PIK3AP1: variants seen among roughly 807,000 people sequenced by gnomAD.
The protein encoded by PIK3AP1 is phosphoinositide-3-kinase adaptor protein 1.
In PIK3AP1, 21 loss-of-function variants were observed where a neutral mutation model predicts 88.1. That is an observed-to-expected ratio of 0.24 (90% CI 0.17 to 0.34). The LOEUF is 0.34. PIK3AP1 is among the 10% of genes least tolerant of loss of function. The pLI is 1.00. For synonymous variants in PIK3AP1, 398 were observed against 400.0 expected, an observed-to-expected ratio of 1.00 and a Z score of 0.06; for missense variants, 828 against 1,035.7, an observed-to-expected ratio of 0.80 and a Z score of 2.75.
chr10:96,631,735 T>C (rs751165525), intron 8 of PIK3AP1, among the ~76,000 whole-genome samples: 3 of 151,952 alleles, frequency 2.0e-5, no homozygotes, highest in Non-Finnish European at 4.4e-5. Context: ...ATACAAAAAT[T>C]AGCTGGGCAT....
chr10:96,641,200 T>A (rs1843384669), intron 8 of PIK3AP1, among the ~76,000 whole-genome samples: 1 of 151,380 alleles, frequency 6.6e-6, no homozygotes, highest in African/African-American at 2.4e-5. Context: ...AATCTCAGGG[T>A]CAGAACCCAA....
chr10:96,695,401 T>C (rs1844206852), intron 2 of PIK3AP1, among the ~76,000 whole-genome samples: 1 of 152,204 alleles, frequency 6.6e-6, no homozygotes, highest in Admixed American at 6.5e-5. Flanking sequence ...GCCTCAAACA[T>C]TAGCTGTACA....
At chr10:96,669,768 AC>A (rs1843816528) in intron 2 of PIK3AP1, among the ~76,000 whole-genome samples, 1 of 150,542 alleles carries the variant, frequency 6.6e-6, no homozygotes, top group African/African-American at 2.5e-5. Context: ...TCAAAAAAAC[AC>A]AAAAAACAAA....
intron 2 of PIK3AP1, among the ~76,000 whole-genome samples, chr10:96,680,637 T>A (rs1033607382): frequency 2.6e-5 from 4 of 152,192 alleles, no homozygotes; most frequent in Non-Finnish European, 5.9e-5. Flanking sequence ...AAGGACATGA[T>A]CTCATTCTTT....
rs147837881 is a variant in PIK3AP1 at position 96,659,419 on chromosome 10, G to A, written c.431-2485C>T. ...AACCTCTTTGGGATGGACCCACAGT[G>A]CAGTCTACCATTGTTTCAACAAAGA... is the stretch of plus-strand genomic sequence containing the variant. On this transcript the variant is annotated intron_variant, in intron 2 of 16. Coordinates refer to ENST00000339364, the MANE Select transcript of PIK3AP1 (RefSeq NM_152309.3). 4.7e-3 allele frequency among the ~76,000 whole-genome samples: 719 copies of A among 152,216 alleles called. 6 individuals are homozygous for A. Among genetic ancestry groups the A allele is most frequent in the African/African-American group, 0.017 (697 of 41,498 alleles).
At chr10:96,609,203 ACT>A (rs1314515238) in intron 14 of PIK3AP1, among the ~76,000 whole-genome samples, 1 of 151,774 alleles carries the variant, frequency 6.6e-6, no homozygotes, top group Non-Finnish European at 1.5e-5. Flanking sequence ...GATATTTCTG[ACT>A]CTGTGCCCTT....
intron 14 of PIK3AP1, 35 bp downstream of exon 14, chr10:96,609,676 CA>C: frequency 6.2e-7 from 1 of 1,603,130 alleles, no homozygotes; most frequent in Non-Finnish European, 8.5e-7. Context: ...GGAGCCCAGT[CA>C]AGAAGACCCC....
In PIK3AP1 at chr10:96,656,781, C is replaced by A; in HGVS notation, c.567+17G>T. The A allele has an allele frequency of 1.2e-6, 2 of 1,612,530 alleles. No homozygotes were observed. The highest frequency in any genetic ancestry group is 1.7e-6 in the Non-Finnish European group (2 of 1,179,080). On this transcript the variant is annotated intron_variant, in intron 3 of 16. Transcript: ENST00000339364. ...CAAGTGCTGACATCCAGCTACCAGGCCCCCAGCAGTGCCTACCCCACAGCG... is the reference window on the plus strand; with the variant it reads ...CAAGTGCTGACATCCAGCTACCAGGACCCCAGCAGTGCCTACCCCACAGCG...
chr10:96,680,864 C>T (rs990909702), intron 2 of PIK3AP1, among the ~76,000 whole-genome samples: 2 of 152,120 alleles, frequency 1.3e-5, no homozygotes, highest in Non-Finnish European at 2.9e-5. Flanking sequence ...ATTTATGGAC[C>T]TAAAAGCAGA....
intron 2 of PIK3AP1, among the ~76,000 whole-genome samples, chr10:96,705,870 A>ATGCCCAGC (rs1433757874): frequency 1.6e-5 from 2 of 126,796 alleles, no homozygotes; most frequent in African/African-American, 6.1e-5. Flanking sequence ...ATAAGCCACT[A>ATGCCCAGC]TGCCCAGCCA....
intron 2 of PIK3AP1, among the ~76,000 whole-genome samples, chr10:96,682,647 C>A (rs920107918): frequency 4.6e-5 from 7 of 152,116 alleles, no homozygotes; most frequent in African/African-American, 1.7e-4. Flanking sequence ...ATTCTTTTTT[C>A]TTTTCGCCCC....
Position 96,595,887 on chromosome 10 carries a change from G to A in PIK3AP1, c.2361-253C>T, listed in dbSNP as rs188483179. On this transcript the variant is annotated intron_variant, in intron 16 of 16. Coordinates refer to ENST00000339364, the MANE Select transcript of PIK3AP1 (RefSeq NM_152309.3). The stretch of plus-strand genomic sequence containing the variant: ...CCATCCCAGACCCATCGCATTCTAA[G>A]CTCTAGAGGATAGGACTCAAGCCAC... Among the ~76,000 whole-genome samples, 306 of 152,190 alleles carry A rather than the reference G, an allele frequency of 2.0e-3. 1 individual carries two copies. Among genetic ancestry groups the A allele is most frequent in the African/African-American group, 6.2e-3 (256 of 41,512 alleles).
At chr10:96,713,452 C>T (rs1228892508) in intron 1 of PIK3AP1, among the ~76,000 whole-genome samples, 5 of 145,522 alleles carry the variant, frequency 3.4e-5, no homozygotes, top group East Asian at 2.0e-4. Context: ...TGCAGTGAGC[C>T]GAGATTGCGC....
intron 1 of PIK3AP1, among the ~76,000 whole-genome samples, chr10:96,715,815 G>A (rs550341574): frequency 5.9e-5 from 9 of 151,574 alleles, no homozygotes; most frequent in Non-Finnish European, 1.0e-4. Context: ...GCATGAACCC[G>A]GGAGGCGGAG....
intron 7 of PIK3AP1, 44 bp downstream of exon 7, chr10:96,648,615 C>T: frequency 6.4e-7 from 1 of 1,557,294 alleles, no homozygotes; most frequent in Non-Finnish European, 8.7e-7. Context: ...CATACTACCA[C>T]AGAGTGCATT....
rs775391682 is a variant in PIK3AP1 at position 96,645,567 on chromosome 10, T to A, written c.1281A>T (p.Thr427=). Residue 427 remains threonine, a synonymous_variant, in exon 8 of 17, where the codon ACA becomes ACT. Coordinates refer to ENST00000339364, the MANE Select transcript of PIK3AP1 (RefSeq NM_152309.3). ...TGAGCGAGCATTTCATAAGCAGGTCTGTGGAAAGGTGGGCCATGGACTCGT... is the reference window on the plus strand; with the variant it reads ...TGAGCGAGCATTTCATAAGCAGGTCAGTGGAAAGGTGGGCCATGGACTCGT... The part of the protein sequence containing the change: ...AVYESMAHLS[T]DLLMKCSLNP... 21 of 1,614,040 alleles carry A rather than the reference T, an allele frequency of 1.3e-5. No individual in the cohort carries two copies. The South Asian group carries it at 2.0e-4, about 15-fold the overall frequency.
At chr10:96,699,848 A>T (rs2134282110) in intron 2 of PIK3AP1, among the ~76,000 whole-genome samples, 1 of 152,324 alleles carries the variant, frequency 6.6e-6, no homozygotes, top group South Asian at 2.1e-4. Context: ...TCTGCCTTAT[A>T]GGGAAGCTGC....
At chr10:96,712,204 G>A (rs1462255894) in intron 1 of PIK3AP1, among the ~76,000 whole-genome samples, 1 of 152,176 alleles carries the variant, frequency 6.6e-6, no homozygotes, top group African/African-American at 2.4e-5. Flanking sequence ...CCGCCTGAGA[G>A]TATTTTTGAA....
chr10:96,604,362 T>A (rs1414602381), intron 14 of PIK3AP1, among the ~76,000 whole-genome samples: 2 of 134,816 alleles, frequency 1.5e-5, no homozygotes, highest in Non-Finnish European at 3.2e-5. Context: ...TTTTTTTTTT[T>A]TTTTTTTTTT....
Sources: allele counts gnomAD v4.1 joint callset (sites outside exome capture counted in the v4.1 genomes callset), GRCh38; gene constraint gnomAD v4.1.1; transcripts MANE v1.5; gene names NCBI Gene and HGNC (gene_info 2026-07-23, HGNC 2026-07-21).